Variants in TBC1D8B observed in about 807,000 individuals in gnomAD.
TBC1D8B encodes RP11-321G1.1.
Under a neutral mutation model 82.9 loss-of-function variants are expected in TBC1D8B, and 75 were observed. The ratio of observed to expected loss-of-function variants is 0.90; its 90% CI spans 0.75 to 1.10. The LOEUF is 1.10. Ranked by LOEUF, TBC1D8B falls within the 50% of genes least tolerant of loss-of-function variation. The pLI is 0.00. For synonymous variants in TBC1D8B, 276 were observed against 276.8 expected (o/e 1.00, Z 0.03); for missense variants, 794 against 796.9 (o/e 1.00, Z 0.04).
chrX:106,844,689 A>G (rs1291412012), intron 10 of TBC1D8B, among the ~76,000 whole-genome samples: 1 of 109,370 alleles, frequency 9.1e-6, no homozygotes, highest in African/African-American at 3.3e-5. Context: ...TGTAAGATAT[A>G]TTGATATATA....
At chrX:106,852,790 C>A (rs762063521) in intron 12 of TBC1D8B, among the ~76,000 whole-genome samples, 1 of 111,177 alleles carries the variant, frequency 9.0e-6, no homozygotes, top group East Asian at 2.8e-4. Context: ...TGTTTTGGTA[C>A]CAGTACCATG....
chrX:106,858,446 G>A (rs766753111), intron 14 of TBC1D8B, among the ~76,000 whole-genome samples: 7 of 111,513 alleles, frequency 6.3e-5, no homozygotes, highest in Non-Finnish European at 1.3e-4. Context: ...CTAATTTTTT[G>A]TATTTTTAGT....
intron 1 of TBC1D8B, among the ~76,000 whole-genome samples, chrX:106,805,193 A>G (rs1931153397): frequency 9.9e-6 from 1 of 101,352 alleles, no homozygotes; most frequent in Admixed American, 1.1e-4. Flanking sequence ...GGCTCAAGTG[A>G]TCTTCCCACC....
At chrX:106,819,408 C>A (rs1167204900) in intron 2 of TBC1D8B, among the ~76,000 whole-genome samples, 1 of 111,051 alleles carries the variant, frequency 9.0e-6, no homozygotes, top group Admixed American at 9.6e-5. Context: ...GCTGCATTGA[C>A]AGTTTCTTAC....
intron 14 of TBC1D8B, among the ~76,000 whole-genome samples, chrX:106,858,275 T>G (rs1569455382): frequency 1.8e-5 from 2 of 111,268 alleles, no homozygotes; most frequent in Non-Finnish European, 3.8e-5. Context: ...TGGGTTTTGT[T>G]TTTTGTTTTT....
rs775398836 is a variant in TBC1D8B, at chrX:106,823,365, T to C, written c.726T>C (p.Leu242=). 5.0e-6 allele frequency: 6 copies of C among 1,210,593 alleles called. No individual in the cohort carries two copies. Among genetic ancestry groups the C allele is most frequent in the Middle Eastern group, 2.3e-4 (1 of 4,334 alleles). ...SMFLHINQTY[L]LMEQLANYAI... is the part of the protein sequence containing the mutation. ...TTTTGCACATTAACCAAACATACCT[T>C]CTTATGGAACAGCTGGCAAACTATG... Residue 242 remains leucine (L), a synonymous_variant, in exon 5 of 21, where the codon CTT becomes CTC. Transcript: ENST00000357242.
intron 20 of TBC1D8B, among the ~76,000 whole-genome samples, chrX:106,873,270 T>C (rs938613068): frequency 9.0e-6 from 1 of 111,199 alleles, no homozygotes; most frequent in Non-Finnish European, 1.9e-5. Context: ...GCTAATTTTT[T>C]GTATTTTTAG....
chrX:106,861,793 G>T (rs760918945), intron 14 of TBC1D8B, among the ~76,000 whole-genome samples: 11 of 110,993 alleles, frequency 9.9e-5, no homozygotes, highest in Admixed American at 3.8e-4. Context: ...GTTGTTAGCT[G>T]ATTATTATGC....
intron 10 of TBC1D8B, among the ~76,000 whole-genome samples, chrX:106,846,558 C>T: frequency 9.0e-6 from 1 of 111,357 alleles, no homozygotes; most frequent in Non-Finnish European, 1.9e-5. Context: ...TGGTTAATTT[C>T]CAGAGTTCTA....
chrX:106,827,360 A>T, intron 7 of TBC1D8B, 23 bp downstream of exon 7: 1 of 1,203,964 alleles, frequency 8.3e-7, no homozygotes, highest in Non-Finnish European at 1.1e-6. Context: ...ACAGCAATCA[A>T]ATCATTTGGA....
intron 11 of TBC1D8B, 104 bp from the exon 12 acceptor site, chrX:106,849,921 G>C: frequency 9.3e-7 from 1 of 1,079,376 alleles, no homozygotes; most frequent in Non-Finnish European, 1.2e-6. Context: ...CATAATTTAA[G>C]GAAGAAGAAT....
intron 18 of TBC1D8B, among the ~76,000 whole-genome samples, chrX:106,868,880 A>G (rs1932830387): frequency 1.8e-5 from 2 of 112,309 alleles, no homozygotes; most frequent in South Asian, 7.4e-4. Context: ...CTCCAAGACA[A>G]AATTTAAAGT....
In TBC1D8B at chrX:106,846,095, C is replaced by CTT. The variant is rs763406306; in HGVS notation, c.1720-2070_1720-2069dup. Among the ~76,000 whole-genome samples the CTT allele has an allele frequency of 2.0e-3, 142 of 72,186 alleles. 4 individuals are homozygous for CTT. The highest frequency in any genetic ancestry group is 0.011 in the South Asian group (14 of 1,328). The allele number at this position is 72,186 out of a possible 115,157, so 62.7% of individuals were successfully genotyped here. On this transcript the variant is annotated intron_variant, in intron 10 of 20. Coordinates refer to ENST00000357242, the MANE Select transcript of TBC1D8B (RefSeq NM_017752.3). Reference sequence around the variant, plus strand: ...TTCTTTCTTTTTTCTCTCTCTCTCTCTTTTTTTTTTTTTTTTTTTTTTAAT... The same window carrying CTT: ...TTCTTTCTTTTTTCTCTCTCTCTCTCTTTTTTTTTTTTTTTTTTTTTTTTAAT...
At chrX:106,843,000 TCATC>T (rs1413684236) in intron 10 of TBC1D8B, among the ~76,000 whole-genome samples, 1 of 111,829 alleles carries the variant, frequency 8.9e-6, no homozygotes, top group Non-Finnish European at 1.9e-5. Flanking sequence ...TTTTCAAAGT[TCATC>T]CATGTTGTAG....
chrX:106,808,068 C>CAAT (rs1180329137), intron 1 of TBC1D8B, among the ~76,000 whole-genome samples: 3 of 109,481 alleles, frequency 2.7e-5, no homozygotes, highest in African/African-American at 6.7e-5. Context: ...ATAATAATAA[C>CAAT]AATAATAATA....
chrX:106,826,847 T>A (rs1931861296), intron 6 of TBC1D8B, among the ~76,000 whole-genome samples: 1 of 111,546 alleles, frequency 9.0e-6, no homozygotes, highest in Admixed American at 9.6e-5. Flanking sequence ...AGACTATCAC[T>A]TTTGATGTAC....
chrX:106,829,935 T>C (rs1931988136), intron 7 of TBC1D8B: 1 of 110,964 alleles, frequency 9.0e-6, no homozygotes. Context: ...AAAGCCAAAA[T>C]TGACAAATGG....
At position 106,823,468 on chromosome X, in the gene TBC1D8B, T is replaced by C; in HGVS notation, c.827+2T>C. Reference sequence around the variant, plus strand: ...TAATCCTCTACAGATCACCAAAAGGTATTCAAAGCTTAATTTTTAGTTTTC... The same window carrying C: ...TAATCCTCTACAGATCACCAAAAGGCATTCAAAGCTTAATTTTTAGTTTTC... On this transcript the variant is annotated splice_donor_variant, in intron 5 of 20. Coordinates refer to ENST00000357242, the MANE Select transcript of TBC1D8B (RefSeq NM_017752.3). LOFTEE classifies it high-confidence loss of function. 8.3e-7 allele frequency: 1 copy of C among 1,198,913 alleles called. No homozygotes were observed. Among genetic ancestry groups the C allele is most frequent in the South Asian group, 1.8e-5 (1 of 55,410 alleles).
intron 1 of TBC1D8B, among the ~76,000 whole-genome samples, chrX:106,805,997 A>G (rs919294934): frequency 8.9e-6 from 1 of 112,686 alleles, no homozygotes; most frequent in African/African-American, 3.2e-5. Context: ...ATACTTTAAG[A>G]TTTCATTTCT....
Sources: allele counts gnomAD v4.1 joint callset (sites outside exome capture counted in the v4.1 genomes callset), GRCh38; gene constraint gnomAD v4.1.1; transcripts MANE v1.5; gene names NCBI Gene and HGNC (gene_info 2026-07-23, HGNC 2026-07-21).